The following DDX27 variants were observed in gnomAD, a reference collection of about 807,000 sequenced individuals.
The protein encoded by DDX27 is DEAD-box helicase 27.
DDX27 carries 42 observed loss-of-function variants against 99.3 expected under a neutral mutation model. The ratio of observed to expected loss-of-function variants is 0.42; its 90% CI spans 0.33 to 0.55. The LOEUF (loss-of-function observed/expected upper bound fraction) is 0.55, where lower values mean the gene tolerates loss of function less well. DDX27 is among the 20% of genes least tolerant of loss of function. The pLI, the probability that DDX27 is intolerant of heterozygous loss-of-function variation, is 0.07. For synonymous variants in DDX27, 329 were observed against 353.8 expected, an observed-to-expected ratio of 0.93 and a Z score of 0.79; for missense variants, 798 against 976.8, an observed-to-expected ratio of 0.82 and a Z score of 2.44.
Position 49,233,648 on chromosome 20 carries a change from G to A in DDX27, c.1212G>A (p.Leu404=), listed in dbSNP as rs754594797. 1 of 1,614,028 alleles carries A rather than the reference G, an allele frequency of 6.2e-7. No homozygotes were observed. The highest frequency in any genetic ancestry group is 8.5e-7 in the Non-Finnish European group (1 of 1,179,972). Residue 404 remains leucine, a synonymous_variant, in exon 11 of 21, where the codon CTG becomes CTA. Coordinates refer to ENST00000618172, the MANE Select transcript of DDX27 (RefSeq NM_017895.8). ...GCAACACAGATGTGGCTCCCTTCCT[G>A]CGGCAGGAGTTCATCCGGATCCGGC... The part of the protein sequence containing the change: ...VNSNTDVAPF[L]RQEFIRIRPN...
At chr20:49,233,807 C>A in intron 11 of DDX27, 98 bp downstream of exon 11, 1 of 1,390,216 alleles carries the variant, frequency 7.2e-7, no homozygotes, top group South Asian at 1.3e-5. Flanking sequence ...GCGCCTCTGC[C>A]GTCCAGTCTT....
chr20:49,234,732 C>G, intron 11 of DDX27: 2 of 524,684 alleles, frequency 3.8e-6, no homozygotes, highest in Non-Finnish European at 6.5e-6. Context: ...TCCCCCTCGT[C>G]CCTGCACTCT....
At chr20:49,221,385 GCC>G (rs1410240050) in intron 1 of DDX27, 65 bp from the exon 2 acceptor site, 1 of 1,592,738 alleles carries the variant, frequency 6.3e-7, no homozygotes, top group African/African-American at 1.3e-5. Context: ...ACTGTGCCTG[GCC>G]CCTTCTTGCT....
intron 7 of DDX27, 32 bp from the exon 8 acceptor site, chr20:49,228,683 T>A (rs238165): frequency 0.74 from 1,161,708 of 1,559,788 alleles, 437,339 homozygotes; most frequent in Non-Finnish European, 0.78. Context: ...CTAAACTTCT[T>A]CTCATTGCTT....
At chr20:49,227,644 C>T (rs1376933528) in intron 7 of DDX27, among the ~76,000 whole-genome samples, 2 of 152,048 alleles carry the variant, frequency 1.3e-5, no homozygotes, top group Non-Finnish European at 2.9e-5. Flanking sequence ...CTGGGATTTA[C>T]AGGTGTGAGC....
chr20:49,236,140 CTG>C lies in DDX27; in HGVS notation c.1428-8_1428-7del. 6.2e-7 allele frequency: 1 copy of C among 1,605,088 alleles called. No homozygotes were observed. Among genetic ancestry groups the C allele is most frequent in the Non-Finnish European group, 8.5e-7 (1 of 1,175,858 alleles). ...TGTCTGGATGAACAGCTGTTTGTGACTGTTTCTAGGCGTTTTAAGGATGAACA... is the reference window on the plus strand; with the variant it reads ...TGTCTGGATGAACAGCTGTTTGTGACTTTCTAGGCGTTTTAAGGATGAACA... On this transcript the variant is annotated splice_polypyrimidine_tract_variant and splice_region_variant and intron_variant, in intron 12 of 20. Coordinates refer to ENST00000618172, the MANE Select transcript of DDX27 (RefSeq NM_017895.8). The surrounding 1 kb of genome is among the most constrained non-coding windows in gnomAD (Gnocchi z 4.1).
chr20:49,222,537 G>A (rs562135580), intron 2 of DDX27, among the ~76,000 whole-genome samples: 329 of 150,668 alleles, frequency 2.2e-3, no homozygotes, highest in Non-Finnish European at 4.2e-3. Context: ...TTTTTGAGAC[G>A]GAGTTTTGCT....
intron 4 of DDX27, 32 bp downstream of exon 4, chr20:49,223,465 G>A: frequency 1.3e-6 from 2 of 1,581,950 alleles, no homozygotes; most frequent in Admixed American, 3.7e-5. Context: ...TCAGTAATGG[G>A]GACAGGAGAT....
Position 49,233,354 on chromosome 20 carries a change from G to T in DDX27, c.1080G>T (p.Met360Ile). 1 of 1,614,088 alleles carries T rather than the reference G, an allele frequency of 6.2e-7. No homozygotes were observed. Among genetic ancestry groups the T allele is most frequent in the Non-Finnish European group, 8.5e-7 (1 of 1,180,034 alleles). ...FEEQMKEIIRMCSHHRQTMLF... is the reference protein window; with the variant it reads ...FEEQMKEIIRICSHHRQTMLF... ...AGCAGATGAAGGAGATCATCCGAAT[G>T]TGTTCCCACCACCGCCAGACCATGC... The change falls in exon 10 of 21, where the codon ATG (methionine) becomes ATT (isoleucine). Residue 360 changes from methionine to isoleucine, a missense_variant. Met to Ile is a conservative substitution (Grantham distance 10, BLOSUM62 1). Around this residue, in one of 2 missense-constraint regions of DDX27, gnomAD observed 553 missense variants for 727.9 expected, o/e 0.76. Transcript: ENST00000618172.
chr20:49,243,816 A>C lies in DDX27; in HGVS notation c.2280A>C (p.Arg760Ser). 6.2e-7 allele frequency: 1 copy of C among 1,614,206 alleles called. No homozygotes were observed. Among genetic ancestry groups the C allele is most frequent in the Non-Finnish European group, 8.5e-7 (1 of 1,180,036 alleles). Residue 760 changes from arginine to serine, a missense_variant and splice_region_variant, in exon 21 of 21, where the codon AGA (arginine) becomes AGC (serine). Physicochemically the swap from Arg to Ser is moderately radical, Grantham distance 110 (BLOSUM62 -1). Around this residue, in one of 2 missense-constraint regions of DDX27, gnomAD observed 553 missense variants for 727.9 expected, o/e 0.76. Coordinates refer to ENST00000618172, the MANE Select transcript of DDX27 (RefSeq NM_017895.8). ...GGTCTTAACTCTGATTTTCTTACAGATACAAGAGGAGGAAGTAGCTGTCGT... is the reference window on the plus strand; with the variant it reads ...GGTCTTAACTCTGATTTTCTTACAGCTACAAGAGGAGGAAGTAGCTGTCGT... ...RRGGNFKSKS[R>S]YKRRK
At chr20:49,232,979 C>T (rs990854920) in intron 9 of DDX27, among the ~76,000 whole-genome samples, 18 of 149,784 alleles carry the variant, frequency 1.2e-4, no homozygotes, top group South Asian at 2.1e-4. Context: ...GGAATTTGAA[C>T]GTGGCCTGTG....
rs531463474 is a variant in DDX27 at position 49,232,539 on chromosome 20, G to A, written c.1032-767G>A. The stretch of plus-strand genomic sequence containing the variant: ...AGCACTTTGGGAGGCCAAGGCAGGC[G>A]GATCATGAGGTCAGGAGATTGAGAC... On this transcript the variant is annotated intron_variant, in intron 9 of 20. Transcript: ENST00000618172. Among the ~76,000 whole-genome samples the A allele has an allele frequency of 1.6e-3, 238 of 152,086 alleles. 2 individuals are homozygous for A. The highest frequency in any genetic ancestry group is 5.4e-3 in the African/African-American group (223 of 41,506).
In DDX27 at chr20:49,230,304, T is replaced by C; in HGVS notation, c.986T>C (p.Phe329Ser). 2.5e-6 allele frequency: 4 copies of C among 1,612,140 alleles called. No homozygotes were observed. Among genetic ancestry groups the C allele is most frequent in the Non-Finnish European group, 3.4e-6 (4 of 1,179,984 alleles). Residue 329 changes from phenylalanine to serine, a missense_variant, in exon 9 of 21, where the codon TTC becomes TCC. This residue lies in a region of DDX27 where 553 missense variants were observed against 727.9 expected (regional missense o/e 0.76). Coordinates refer to ENST00000618172, the MANE Select transcript of DDX27 (RefSeq NM_017895.8). The stretch of plus-strand genomic sequence containing the variant: ...GATCACCTCCACAACTGCCCTTCCT[T>C]CCACCTGAGCAGCATCGAGGTGCTC... ...LIDHLHNCPS[F>S]HLSSIEVLIL...
intron 9 of DDX27, chr20:49,230,985 GA>G (rs1286517750): frequency 2.6e-5 from 4 of 152,390 alleles, no homozygotes; most frequent in Admixed American, 2.6e-4. Flanking sequence ...CAGCTGTTCT[GA>G]ATTCTTAGCG....
intron 7 of DDX27, among the ~76,000 whole-genome samples, chr20:49,226,879 T>TTTTTTTG (rs1285570586): frequency 6.9e-6 from 1 of 144,248 alleles, no homozygotes; most frequent in African/African-American, 2.5e-5. Context: ...TTTTTTTTTT[T>TTTTTTTG]TGAGACGGAG....
chr20:49,220,611 T>TG (rs1184395075), intron 1 of DDX27, among the ~76,000 whole-genome samples: 1 of 152,076 alleles, frequency 6.6e-6, no homozygotes, highest in African/African-American at 2.4e-5. Context: ...ATGTCCCCTG[T>TG]GGGCGCGGGC....
At chr20:49,228,998 G>C (rs1488203796) in intron 8 of DDX27, 110 bp downstream of exon 8, 1 of 834,970 alleles carries the variant, frequency 1.2e-6, no homozygotes, top group African/African-American at 1.8e-5. Context: ...AGAGGCCTTT[G>C]TGTTGATTGA....
In DDX27 at chr20:49,243,947, A is replaced by C; in HGVS notation, c.*113A>C. On this transcript the variant is annotated 3_prime_UTR_variant, in exon 21 of 21. Transcript: ENST00000618172. Reference sequence around the variant, plus strand: ...TTGTTTAAAAAAAAAACAAAAACAAAAAACAACACTTTGGTGTGGTGGTAT... The same window carrying C: ...TTGTTTAAAAAAAAAACAAAAACAACAAACAACACTTTGGTGTGGTGGTAT... The C allele has an allele frequency of 7.6e-7, 1 of 1,314,850 alleles. No individual in the cohort carries two copies. Among genetic ancestry groups the C allele is most frequent in the Non-Finnish European group, 1.1e-6 (1 of 943,688 alleles). The allele number at this position is 1,314,850 out of a possible 1,614,324, so 81.4% of individuals were successfully genotyped here.
At chr20:49,225,947 C>A (rs1979871326) in intron 6 of DDX27, among the ~76,000 whole-genome samples, 1 of 152,174 alleles carries the variant, frequency 6.6e-6, no homozygotes, top group South Asian at 2.1e-4. Context: ...TCCTTGCTGG[C>A]CCTCAAATAG....
Sources: gnomAD v4.1 joint callset for allele counts (sites outside exome capture counted in the v4.1 genomes callset) on GRCh38, gnomAD v4.1.1 for gene constraint, gnomAD v4.1.1 regional missense constraint, Gnocchi (gnomAD v3.1) non-coding constraint, MANE v1.5 for transcripts, NCBI Gene and HGNC (gene_info 2026-07-23, HGNC 2026-07-21) for gene names.